The following ULK4 variants were observed in gnomAD, a reference collection of about 807,000 sequenced individuals.
The protein encoded by ULK4 is inactive serine/threonine-protein kinase ULK4.
ULK4 carries 133 observed loss-of-function variants against 160.6 expected under a neutral mutation model. The ratio of observed to expected loss-of-function variants is 0.83; its 90% confidence interval spans 0.72 to 0.96. ULK4 has a LOEUF of 0.96. Among genes scored for constraint, ULK4 ranks in the 40% least tolerant of loss-of-function variants. ULK4 has a pLI of 0.00. For synonymous variants in ULK4, 534 were observed against 539.8 expected, an observed-to-expected ratio of 0.99 and a Z score of 0.15; for missense variants, 1,580 against 1,499.5, an observed-to-expected ratio of 1.05 and a Z score of -0.89.
At chr3:41,672,310 T>C (rs2035569212) in intron 29 of ULK4, among the ~76,000 whole-genome samples, 1 of 152,130 alleles carries the variant, frequency 6.6e-6, no homozygotes, top group African/African-American at 2.4e-5. Context: ...AGATCAGGAA[T>C]CAACCTAGTG....
chr3:41,569,420 C>T (rs933159210), intron 31 of ULK4, among the ~76,000 whole-genome samples: 1 of 152,106 alleles, frequency 6.6e-6, no homozygotes, highest in African/African-American at 2.4e-5. Flanking sequence ...GACAGAGTTT[C>T]TGAGGATTTT....
chr3:41,585,706 C>A (rs1350206132), intron 31 of ULK4, among the ~76,000 whole-genome samples: 1 of 151,948 alleles, frequency 6.6e-6, no homozygotes. Flanking sequence ...TTCATCAAAC[C>A]AAACAATCAA....
chr3:41,353,639 G>T (rs1256212351), intron 35 of ULK4, among the ~76,000 whole-genome samples: 1 of 151,554 alleles, frequency 6.6e-6, no homozygotes, highest in African/African-American at 2.4e-5. Context: ...CTGCACTCCA[G>T]ACTGGGTAAT....
At position 41,438,926 on chromosome 3, in the gene ULK4, T is replaced by C. The variant is rs191249722; in HGVS notation, c.3492+16571A>G. The stretch of plus-strand genomic sequence containing the variant: ...GTAAAGCTCCCTAATTCATTCCATA[T>C]GGTTAGCATAATCCTTATAGCAAAC... On this transcript the variant is annotated intron_variant, in intron 34 of 36. Coordinates refer to ENST00000301831, the MANE Select transcript of ULK4 (RefSeq NM_017886.4). Among the ~76,000 whole-genome samples, 12 of 151,100 alleles carry C rather than the reference T, an allele frequency of 7.9e-5. No homozygotes were observed. In the East Asian group the frequency reaches 1.8e-3, roughly 22 times the overall value.
chr3:41,702,248 G>C (rs183738667), intron 27 of ULK4, among the ~76,000 whole-genome samples: 1 of 152,094 alleles, frequency 6.6e-6, no homozygotes. Flanking sequence ...AGATTCAAGC[G>C]ATTCTCCTGT....
intron 31 of ULK4, among the ~76,000 whole-genome samples, chr3:41,582,495 G>GCAGAAGCAGAGGTACGTCAGCCC (rs2030449333): frequency 6.6e-6 from 1 of 152,162 alleles, no homozygotes; most frequent in Admixed American, 6.5e-5. Context: ...CATAGAGCAA[G>GCAGAAGCAGAGGTACGTCAGCCC]CAGAAGCAGA....
rs555915240 is a variant in ULK4, at chr3:41,715,533, G to T, written c.2491C>A (p.Arg831Ser). 1.2e-6 allele frequency: 2 copies of T among 1,613,902 alleles called. No individual in the cohort carries two copies. Among genetic ancestry groups the T allele is most frequent in the African/African-American group, 1.3e-5 (1 of 74,888 alleles). ...ILNSLANVSGRKHPSTVQVKQ... is the reference protein window; with the variant it reads ...ILNSLANVSGSKHPSTVQVKQ... The stretch of plus-strand genomic sequence containing the variant: ...ACTTGAACTGTTGATGGGTGTTTAC[G>T]TCCAGAAACATTAGCCAAGGAGTTA... The change falls in exon 24 of 37, where the codon CGT becomes AGT. Residue 831 changes from arginine to serine, a missense_variant. Arg to Ser is a moderately radical substitution (Grantham distance 110). Coordinates refer to ENST00000301831, the MANE Select transcript of ULK4 (RefSeq NM_017886.4).
At chr3:41,328,843 C>T (rs1291805695) in intron 35 of ULK4, among the ~76,000 whole-genome samples, 3 of 152,136 alleles carry the variant, frequency 2.0e-5, no homozygotes, top group Non-Finnish European at 4.4e-5. Context: ...AATCCACAGC[C>T]ATGTTCTTAT....
At chr3:41,454,771 C>A (rs1472119381) in intron 34 of ULK4, among the ~76,000 whole-genome samples, 1 of 151,970 alleles carries the variant, frequency 6.6e-6, no homozygotes, top group African/African-American at 2.4e-5. Flanking sequence ...TGGTTCACTG[C>A]AACCTCTGCC....
chr3:41,895,513 C>A lies in ULK4; in HGVS notation c.1577+5G>T. 1 of 1,450,282 alleles carries A rather than the reference C, an allele frequency of 6.9e-7. No individual in the cohort carries two copies. The highest frequency in any genetic ancestry group is 9.2e-7 in the Non-Finnish European group (1 of 1,082,280). The allele number at this position is 1,450,282 out of a possible 1,614,324, so 89.8% of individuals were successfully genotyped here. ...AATAATTTTTAAAATATAAACGTTA[C>A]TTACATATCCCAGTTTGGAGCTATC... On this transcript the variant is annotated splice_donor_5th_base_variant and intron_variant, in intron 16 of 36. Transcript: ENST00000301831.
intron 16 of ULK4, among the ~76,000 whole-genome samples, chr3:41,884,539 G>T (rs1697648760): frequency 6.6e-6 from 1 of 152,166 alleles, no homozygotes; most frequent in African/African-American, 2.4e-5. Context: ...ATTTGAAAAG[G>T]TATTTCATGC....
At chr3:41,261,599 T>C (rs1170673915) in intron 35 of ULK4, among the ~76,000 whole-genome samples, 1 of 152,228 alleles carries the variant, frequency 6.6e-6, no homozygotes, top group Non-Finnish European at 1.5e-5. Context: ...CTTGTATAAA[T>C]GGCTTGCACT....
At chr3:41,678,469 A>C (rs2035809661) in intron 29 of ULK4, among the ~76,000 whole-genome samples, 2 of 152,182 alleles carry the variant, frequency 1.3e-5, no homozygotes, top group African/African-American at 4.8e-5. Flanking sequence ...CAAGTGGATG[A>C]GAATAGGAGC....
chr3:41,488,788 AGAAAAG>A (rs2084638992), intron 32 of ULK4, among the ~76,000 whole-genome samples: 1 of 152,190 alleles, frequency 6.6e-6, no homozygotes, highest in African/African-American at 2.4e-5. Context: ...CTTGATACTG[AGAAAAG>A]TACCACTTGG....
intron 30 of ULK4, among the ~76,000 whole-genome samples, chr3:41,624,563 T>C (rs1447486209): frequency 6.6e-6 from 1 of 152,112 alleles, no homozygotes; most frequent in Non-Finnish European, 1.5e-5. Flanking sequence ...AATGCTAACA[T>C]TCCATTCTCA....
chr3:41,871,517 A>T (rs1174771956), intron 17 of ULK4, among the ~76,000 whole-genome samples: 1 of 152,236 alleles, frequency 6.6e-6, no homozygotes, highest in Non-Finnish European at 1.5e-5. Flanking sequence ...CATCCTTGAC[A>T]GCACTTGGTG....
At chr3:41,856,577 G>GTATA (rs1187428045) in intron 17 of ULK4, among the ~76,000 whole-genome samples, 1 of 58,308 alleles carries the variant, frequency 1.7e-5, no homozygotes, top group Non-Finnish European at 2.9e-5. Context: ...ATATATATGT[G>GTATA]TATATATATA....
At chr3:41,824,007 A>T in intron 18 of ULK4, among the ~76,000 whole-genome samples, 1 of 152,080 alleles carries the variant, frequency 6.6e-6, no homozygotes, top group East Asian at 1.9e-4. Flanking sequence ...TACTAAAAAT[A>T]CAAAAATTAG....
chr3:41,938,534 T>C (rs1699854201), intron 2 of ULK4, among the ~76,000 whole-genome samples: 1 of 151,766 alleles, frequency 6.6e-6, no homozygotes, highest in Non-Finnish European at 1.5e-5. Flanking sequence ...ATATAAAAAT[T>C]AGCGGGGCGT....
Sources: gnomAD v4.1 joint callset for allele counts (sites outside exome capture counted in the v4.1 genomes callset) on GRCh38, gnomAD v4.1.1 for gene constraint, MANE v1.5 for transcripts, NCBI Gene and HGNC (gene_info 2026-07-23, HGNC 2026-07-21) for gene names.